SH3D19: variants seen among roughly 807,000 people sequenced by gnomAD.
SH3D19 encodes the protein SH3 domain containing 19, also known as SH3 domain-containing protein 19.
Under a neutral mutation model 112.1 loss-of-function variants are expected in SH3D19, and 58 were observed. The ratio of observed to expected loss-of-function variants is 0.52; its 90% CI spans 0.42 to 0.64. SH3D19 has a LOEUF of 0.64. Among genes scored for constraint, SH3D19 ranks in the 30% least tolerant of loss-of-function variants. The pLI is 0.00. For synonymous variants in SH3D19, 391 were observed against 448.5 expected, an observed-to-expected ratio of 0.87 and a Z score of 1.62; for missense variants, 1,090 against 1,263.4, an observed-to-expected ratio of 0.86 and a Z score of 2.08.
In SH3D19 at chr4:151,150,336, T is replaced by C. The variant is rs553859752; in HGVS notation, c.1756-775A>G. Among the ~76,000 whole-genome samples the C allele has an allele frequency of 6.2e-4, 87 of 141,386 alleles. 1 individual carries two copies. Among genetic ancestry groups the C allele is most frequent in the South Asian group, 8.7e-4 (4 of 4,592 alleles). 92.8% of individuals were successfully genotyped at this position (141,386 alleles called of 152,430 possible). A position where few individuals can be genotyped will look rare whatever the true frequency, so the allele number is the denominator to read the frequency against. On this transcript the variant is annotated intron_variant, in intron 9 of 19. Transcript: ENST00000604030. The stretch of plus-strand genomic sequence containing the variant: ...ATATATATATACATATATATATATA[T>C]ACACACACATATATATATATACATG...
chr4:151,127,709 G>T lies in SH3D19; in HGVS notation c.2936C>A (p.Ala979Glu). 2.7e-5 allele frequency: 43 copies of T among 1,589,408 alleles called. No individual in the cohort carries two copies. Among genetic ancestry groups the T allele is most frequent in the Non-Finnish European group, 3.7e-5 (43 of 1,171,720 alleles). ...AVFVRPCPAE[A>E]KSMLAIVPKG... is the part of the protein sequence containing the mutation. The stretch of plus-strand genomic sequence containing the variant: ...CGGTACTATGGCCAACATACTTTTT[G>T]CCTCAGCTGTGAAGACATAAAAAAT... The change falls in exon 19 of 20, where the codon GCA becomes GAA. Residue 979 changes from alanine (A) to glutamate (E), a missense_variant. Transcript: ENST00000604030.
At position 151,135,024 on chromosome 4, in the gene SH3D19, G is replaced by A. The variant is rs372100274; in HGVS notation, c.2486+50C>T. The A allele has an allele frequency of 9.8e-6, 14 of 1,429,914 alleles. 1 individual carries two copies. The African/African-American group carries it at 1.7e-4, about 18-fold the overall frequency. The allele number at this position is 1,429,914 out of a possible 1,614,324, so 88.6% of individuals were successfully genotyped here. A position where few individuals can be genotyped will look rare whatever the true frequency, so the allele number is the denominator to read the frequency against. On this transcript the variant is annotated intron_variant, in intron 15 of 19. Transcript: ENST00000604030. ...AAGCTTGATAATTCTTCATGATATA[G>A]ATGGTTATCTCCTTTGTATTTTGTG...
chr4:151,174,623 C>T, intron 7 of SH3D19, 47 bp downstream of exon 7: 1 of 1,475,296 alleles, frequency 6.8e-7, no homozygotes, highest in Non-Finnish European at 9.0e-7. Context: ...ATTTAAAATA[C>T]CCTATCATGA....
intron 4 of SH3D19, among the ~76,000 whole-genome samples, chr4:151,177,227 A>G (rs1001176098): frequency 6.6e-6 from 1 of 152,218 alleles, no homozygotes; most frequent in African/African-American, 2.4e-5. Flanking sequence ...GTTGATAAGG[A>G]TAAGAACTAA....
Position 151,137,805 on chromosome 4 carries a change from A to G in SH3D19, c.2354T>C (p.Ile785Thr). Residue 785 changes from isoleucine (I) to threonine (T), a missense_variant, in exon 14 of 20, where the codon ATA becomes ACA. Ile to Thr is a moderately conservative substitution (Grantham distance 89, BLOSUM62 -1). Coordinates refer to ENST00000604030, the MANE Select transcript of SH3D19 (RefSeq NM_001378122.1). ...SGEIVYLLEK[I>T]DTDWYRGNCR... is the part of the protein sequence containing the mutation. ...GTTCCCTCTGTACCAATCTGTATCT[A>G]TCTTCTCCAGAAGATAAACAATTTC... 1.2e-6 allele frequency: 2 copies of G among 1,611,230 alleles called. No homozygotes were observed. Among genetic ancestry groups the G allele is most frequent in the Middle Eastern group, 1.7e-4 (1 of 6,050 alleles).
intron 1 of SH3D19, among the ~76,000 whole-genome samples, chr4:151,254,080 C>A (rs1042336887): frequency 6.6e-6 from 1 of 152,152 alleles, no homozygotes; most frequent in Non-Finnish European, 1.5e-5. Context: ...CCTCCAAGGG[C>A]CTCAGTTTCC....
At chr4:151,135,652 C>T (rs942891392) in intron 14 of SH3D19, among the ~76,000 whole-genome samples, 1 of 151,986 alleles carries the variant, frequency 6.6e-6, no homozygotes, top group Non-Finnish European at 1.5e-5. Context: ...TGGTCTTGAA[C>T]TCTTGGACTC....
chr4:151,255,106 G>T (rs538699524), intron 1 of SH3D19, among the ~76,000 whole-genome samples: 10 of 150,918 alleles, frequency 6.6e-5, no homozygotes, highest in African/African-American at 2.4e-4. Context: ...CGGATGGGGC[G>T]GCTGGCCTGG....
At chr4:151,171,102 A>T (rs572161560) in intron 7 of SH3D19, among the ~76,000 whole-genome samples, 9 of 152,266 alleles carry the variant, frequency 5.9e-5, no homozygotes, top group African/African-American at 2.2e-4. Context: ...ATTGACATTT[A>T]TTTCCAATAT....
Position 151,210,539 on chromosome 4 carries a change from C to T in SH3D19, c.152+15508G>A, listed in dbSNP as rs1765807028. Among the ~76,000 whole-genome samples the T allele has an allele frequency of 2.6e-5, 4 of 151,952 alleles. 1 individual carries two copies. In the South Asian group the frequency reaches 8.3e-4, roughly 32 times the overall value. ...GCCTCAGCCTCCCCAGTAGCTGGGA[C>T]TACAGGCACCTGCCACCACACCTGG... On this transcript the variant is annotated intron_variant, in intron 2 of 19. Transcript: ENST00000604030.
chr4:151,151,899 A>G (rs1755121375), intron 9 of SH3D19, among the ~76,000 whole-genome samples: 1 of 152,232 alleles, frequency 6.6e-6, no homozygotes, highest in Non-Finnish European at 1.5e-5. Flanking sequence ...AAAATTTAAA[A>G]AATAGATATA....
At chr4:151,307,430 T>C (rs17690563) in intron 1 of SH3D19, among the ~76,000 whole-genome samples, 40,283 of 152,198 alleles carry the variant, frequency 0.26, 6,196 homozygotes, top group East Asian at 0.37. Flanking sequence ...GCCAAATTAA[T>C]CAGGACCCAA....
chr4:151,238,316 G>T (rs1770287179), intron 1 of SH3D19, among the ~76,000 whole-genome samples: 1 of 152,126 alleles, frequency 6.6e-6, no homozygotes, highest in Non-Finnish European at 1.5e-5. Flanking sequence ...CCATATTTCA[G>T]GATAGTATGG....
intron 8 of SH3D19, among the ~76,000 whole-genome samples, chr4:151,161,978 A>T (rs1217295784): frequency 6.6e-6 from 1 of 151,426 alleles, no homozygotes; most frequent in Non-Finnish European, 1.5e-5. Flanking sequence ...TTCATTTTTT[A>T]AAAGAATATT....
chr4:151,248,301 T>G (rs1771098387), intron 1 of SH3D19, among the ~76,000 whole-genome samples: 3 of 152,036 alleles, frequency 2.0e-5, no homozygotes, highest in African/African-American at 7.2e-5. Context: ...CTAATGAGAG[T>G]TTAGGAAAAG....
intron 1 of SH3D19, among the ~76,000 whole-genome samples, chr4:151,256,136 A>G (rs1204718614): frequency 6.6e-6 from 1 of 152,224 alleles, no homozygotes; most frequent in African/African-American, 2.4e-5. Flanking sequence ...CTTTAATATC[A>G]TATCAACTTC....
At chr4:151,288,106 C>T (rs1367808829) in intron 1 of SH3D19, among the ~76,000 whole-genome samples, 1 of 151,388 alleles carries the variant, frequency 6.6e-6, no homozygotes, top group African/African-American at 2.4e-5. Context: ...AAACACTCAA[C>T]AATGAGATGA....
At chr4:151,239,498 A>T (rs1318660302) in intron 1 of SH3D19, among the ~76,000 whole-genome samples, 1 of 152,246 alleles carries the variant, frequency 6.6e-6, no homozygotes, top group Non-Finnish European at 1.5e-5. Context: ...TTATTTGGAA[A>T]GAATGCATTT....
At chr4:151,197,806 A>G (rs1763698749) in intron 2 of SH3D19, among the ~76,000 whole-genome samples, 1 of 152,232 alleles carries the variant, frequency 6.6e-6, no homozygotes, top group Admixed American at 6.5e-5. Flanking sequence ...ACATATTTTA[A>G]GCATCTGAAA....
Sources: gnomAD v4.1 joint callset for allele counts (sites outside exome capture counted in the v4.1 genomes callset) on GRCh38, gnomAD v4.1.1 for gene constraint, MANE v1.5 for transcripts, NCBI Gene and HGNC (gene_info 2026-07-23, HGNC 2026-07-21) for gene names.